SLC25A21: variants seen among roughly 807,000 people sequenced by gnomAD.
SLC25A21 encodes solute carrier family 25 member 21.
A neutral mutation model predicts 43.8 loss-of-function variants in SLC25A21; 47 were observed. The observed-to-expected ratio is 1.07, with a 90% CI of 0.85 to 1.37. The LOEUF (loss-of-function observed/expected upper bound fraction) is 1.37, where lower values mean the gene tolerates loss of function less well. Among genes scored for constraint, SLC25A21 ranks in the 40% most tolerant of loss-of-function variants. SLC25A21 has a pLI of 0.00. For missense variants in SLC25A21, 352 were observed against 350.2 expected (o/e 1.00, Z -0.04); for synonymous variants, 131 against 121.3 (o/e 1.08, Z -0.52).
At chr14:36,860,233 C>G (rs910712676) in intron 2 of SLC25A21, among the ~76,000 whole-genome samples, 2 of 151,640 alleles carry the variant, frequency 1.3e-5, no homozygotes, top group Non-Finnish European at 2.9e-5. Flanking sequence ...GTATGAAGGT[C>G]GAGAAGAAGC....
chr14:36,999,834 A>G (rs1318281408), intron 1 of SLC25A21, among the ~76,000 whole-genome samples: 8 of 152,294 alleles, frequency 5.3e-5, no homozygotes, highest in Non-Finnish European at 1.2e-4. Flanking sequence ...GGAGTGAGCC[A>G]TTATTTACAA....
At chr14:36,950,013 T>G (rs1055133777) in intron 1 of SLC25A21, among the ~76,000 whole-genome samples, 1 of 152,096 alleles carries the variant, frequency 6.6e-6, no homozygotes, top group African/African-American at 2.4e-5. Flanking sequence ...ACAGTCTGAC[T>G]CTCCAAGAAG....
chr14:36,831,518 T>G (rs1889038522), intron 2 of SLC25A21, among the ~76,000 whole-genome samples: 1 of 152,240 alleles, frequency 6.6e-6, no homozygotes, highest in Admixed American at 6.5e-5. Context: ...TGTAGCATTA[T>G]CAGGGTATAT....
intron 7 of SLC25A21, among the ~76,000 whole-genome samples, chr14:36,691,474 G>C (rs1458214470): frequency 1.3e-5 from 2 of 152,178 alleles, no homozygotes; most frequent in East Asian, 3.8e-4. Flanking sequence ...ATTAGGAACT[G>C]TTTCTTGTAC....
chr14:36,750,767 A>C (rs1239730457), intron 3 of SLC25A21, among the ~76,000 whole-genome samples: 2 of 152,230 alleles, frequency 1.3e-5, no homozygotes, highest in African/African-American at 4.8e-5. Context: ...GCTCTTACCC[A>C]GATGACTATC....
At chr14:36,737,992 T>C (rs911182310) in intron 3 of SLC25A21, among the ~76,000 whole-genome samples, 1 of 152,202 alleles carries the variant, frequency 6.6e-6, no homozygotes, top group African/African-American at 2.4e-5. Flanking sequence ...CTCTTTTACT[T>C]AAATAAGTTT....
At chr14:37,102,866 T>C (rs1962842689) in intron 1 of SLC25A21, among the ~76,000 whole-genome samples, 1 of 151,778 alleles carries the variant, frequency 6.6e-6, no homozygotes, top group Non-Finnish European at 1.5e-5. Flanking sequence ...GCACCTGTAA[T>C]CCCAGCTACT....
In SLC25A21 at chr14:37,172,543, CG is replaced by C. The variant is rs1964153930; in HGVS notation, c.-194del. The C allele has an allele frequency of 2.8e-6, 2 of 725,142 alleles. No individual in the cohort carries two copies. The highest frequency in any genetic ancestry group is 4.0e-5 in the Admixed American group (2 of 49,962). The allele number at this position is 725,142 out of a possible 1,614,324, so 44.9% of individuals were successfully genotyped here. ...ATTCGTCGCGCGATCTCCGGCGCGT[CG>C]GAACCTGTTCGCAGCGCTCTCGCAG... On this transcript the variant is annotated 5_prime_UTR_variant, in exon 1 of 10. Transcript: ENST00000331299.
intron 6 of SLC25A21, among the ~76,000 whole-genome samples, chr14:36,717,393 A>G (rs906069319): frequency 4.6e-5 from 7 of 152,222 alleles, no homozygotes; most frequent in Admixed American, 3.3e-4. Flanking sequence ...TCCAGAGTGT[A>G]TGTTGTATGA....
chr14:36,725,688 T>C lies in SLC25A21; in HGVS notation c.331-11A>G. ...AGCAATGGCGAATGTCTAGAAAAAT[T>C]AAATCAATCAATACTTTAAAACAAG... On this transcript the variant is annotated splice_polypyrimidine_tract_variant and intron_variant, in intron 5 of 9. Transcript: ENST00000331299. 6.4e-7 allele frequency: 1 copy of C among 1,563,364 alleles called. No individual in the cohort carries two copies. The highest frequency in any genetic ancestry group is 2.3e-5 in the East Asian group (1 of 43,094).
intron 3 of SLC25A21, among the ~76,000 whole-genome samples, chr14:36,765,257 C>T (rs848110): frequency 0.16 from 24,277 of 152,128 alleles, 2,213 homozygotes; most frequent in Middle Eastern, 0.25. Context: ...GTGGAGAGAG[C>T]GAAATGCCAA....
At chr14:36,706,115 A>C (rs921235459) in intron 7 of SLC25A21, among the ~76,000 whole-genome samples, 1 of 152,212 alleles carries the variant, frequency 6.6e-6, no homozygotes, top group African/African-American at 2.4e-5. Context: ...GAAAAAAACA[A>C]AACAAAACAC....
chr14:37,080,755 T>C (rs1214580045), intron 1 of SLC25A21, among the ~76,000 whole-genome samples: 1 of 152,206 alleles, frequency 6.6e-6, no homozygotes, highest in Non-Finnish European at 1.5e-5. Context: ...GACTGGCTCA[T>C]TCAACACAGA....
intron 1 of SLC25A21, among the ~76,000 whole-genome samples, chr14:36,964,925 T>C (rs535540328): frequency 1.3e-5 from 2 of 152,302 alleles, no homozygotes; most frequent in South Asian, 4.1e-4. Flanking sequence ...TAGTTTTTTT[T>C]CCCTCTATAT....
At chr14:36,932,518 C>G (rs749738182) in intron 1 of SLC25A21, among the ~76,000 whole-genome samples, 2 of 151,890 alleles carry the variant, frequency 1.3e-5, no homozygotes, top group Non-Finnish European at 2.9e-5. Flanking sequence ...TATTGAGTGC[C>G]TACTATGTGC....
chr14:36,819,188 C>T (rs1999232), intron 2 of SLC25A21, among the ~76,000 whole-genome samples: 99,182 of 151,916 alleles, frequency 0.65, 33,550 homozygotes, highest in South Asian at 0.84. Context: ...GAGCCAGATA[C>T]CTATCTGCCG....
intron 1 of SLC25A21, among the ~76,000 whole-genome samples, chr14:37,110,008 T>A (rs1438588974): frequency 6.6e-6 from 1 of 152,204 alleles, no homozygotes; most frequent in East Asian, 1.9e-4. Flanking sequence ...TTAAAATAGT[T>A]TATGGTTACT....
intron 1 of SLC25A21, among the ~76,000 whole-genome samples, chr14:36,907,854 G>C (rs963582706): frequency 6.6e-6 from 1 of 152,136 alleles, no homozygotes; most frequent in African/African-American, 2.4e-5. Flanking sequence ...TTGAAATAAG[G>C]TACAGTTCAA....
At chr14:36,899,554 A>C (rs182986791) in intron 1 of SLC25A21, among the ~76,000 whole-genome samples, 53 of 152,310 alleles carry the variant, frequency 3.5e-4, no homozygotes, top group African/African-American at 1.1e-3. Flanking sequence ...AGGAGGCTTC[A>C]CTGGGTTCAT....
Sources: allele counts gnomAD v4.1 joint callset (sites outside exome capture counted in the v4.1 genomes callset), GRCh38; gene constraint gnomAD v4.1.1; transcripts MANE v1.5; gene names NCBI Gene and HGNC (gene_info 2026-07-23, HGNC 2026-07-21).